Variants in SEMA6D observed in about 807,000 individuals in gnomAD.
SEMA6D encodes the protein semaphorin 6D, also known as semaphorin-6D.
In SEMA6D, 35 loss-of-function variants were observed where a neutral mutation model predicts 106.6. That is an observed-to-expected ratio of 0.33 (90% CI 0.25 to 0.44). The LOEUF is 0.44. Ranked by LOEUF, SEMA6D falls within the 20% of genes least tolerant of loss-of-function variation. The pLI is 1.00. For synonymous variants in SEMA6D, 499 were observed against 487.7 expected, an observed-to-expected ratio of 1.02 and a Z score of -0.31; for missense variants, 1,185 against 1,345.9, an observed-to-expected ratio of 0.88 and a Z score of 1.87.
At chr15:47,540,060 GTT>G (rs398039512) in intron 3 of SEMA6D, among the ~76,000 whole-genome samples, 2 of 151,922 alleles carry the variant, frequency 1.3e-5, no homozygotes, top group African/African-American at 2.4e-5. Context: ...GTGTGTGTGT[GTT>G]TGTGTGTGTG....
chr15:47,724,439 T>G (rs1194140598), intron 1 of SEMA6D, among the ~76,000 whole-genome samples: 1 of 152,194 alleles, frequency 6.6e-6, no homozygotes, highest in Non-Finnish European at 1.5e-5. Context: ...AGAAAAGATA[T>G]ACACAGACTT....
chr15:47,215,487 A>G (rs1167760163), intron 1 of SEMA6D, among the ~76,000 whole-genome samples: 3 of 152,116 alleles, frequency 2.0e-5, no homozygotes, highest in Admixed American at 1.3e-4. Flanking sequence ...TTTTGTTCAG[A>G]TACTGTTTTA....
At chr15:47,445,323 T>A (rs1187660787) in intron 2 of SEMA6D, among the ~76,000 whole-genome samples, 1 of 152,126 alleles carries the variant, frequency 6.6e-6, no homozygotes, top group Non-Finnish European at 1.5e-5. Context: ...CACCCTCTTC[T>A]ACCCAGTATT....
intron 1 of SEMA6D, among the ~76,000 whole-genome samples, chr15:47,203,247 C>G (rs1894835969): frequency 1.3e-5 from 2 of 152,020 alleles, no homozygotes; most frequent in South Asian, 4.1e-4. Flanking sequence ...TTCTATTCCC[C>G]CACCCCCAAT....
chr15:47,239,189 C>T (rs937975708), intron 1 of SEMA6D, among the ~76,000 whole-genome samples: 2 of 152,172 alleles, frequency 1.3e-5, no homozygotes, highest in African/African-American at 2.4e-5. Flanking sequence ...AATCAAGGTT[C>T]TGGGCTCCTT....
intron 1 of SEMA6D, among the ~76,000 whole-genome samples, chr15:47,312,159 T>TTC (rs1555420712): frequency 1.1e-3 from 159 of 150,604 alleles, no homozygotes; most frequent in African/African-American, 3.0e-3. Flanking sequence ...TTTTTTTTTT[T>TTC]CCCCATTACC....
rs1330454175 is a variant in SEMA6D at position 47,771,379 on chromosome 15, A to G, written c.2816A>G (p.Asn939Ser). ...LYSPPSTLPR[N>S]SPTKRVDVPT... is the part of the protein sequence containing the mutation. Reference sequence around the variant, plus strand: ...TCCCCTCCTTCAACTCTCCCCAGAAATAGCCCAACCAAGCGAGTGGATGTC... The same window carrying G: ...TCCCCTCCTTCAACTCTCCCCAGAAGTAGCCCAACCAAGCGAGTGGATGTC... The change falls in exon 19 of 19, where the codon AAT becomes AGT. Residue 939 changes from asparagine to serine, a missense_variant. Asn to Ser is a conservative substitution (Grantham distance 46). This residue lies in a region of SEMA6D where 750 missense variants were observed against 783.5 expected (regional missense o/e 0.96). Coordinates refer to ENST00000536845, the MANE Select transcript of SEMA6D (RefSeq NM_001358351.3). 6 of 1,614,022 alleles carry G rather than the reference A, an allele frequency of 3.7e-6. No individual in the cohort carries two copies. The highest frequency in any genetic ancestry group is 1.7e-5 in the Admixed American group (1 of 60,012).
chr15:47,284,116 AG>A (rs1383642963), intron 1 of SEMA6D, among the ~76,000 whole-genome samples: 2 of 152,164 alleles, frequency 1.3e-5, no homozygotes, highest in Non-Finnish European at 2.9e-5. Context: ...CATCCAATTC[AG>A]GAAGGTTCAG....
chr15:47,320,871 G>A (rs2036897348), intron 1 of SEMA6D, among the ~76,000 whole-genome samples: 1 of 151,938 alleles, frequency 6.6e-6, no homozygotes, highest in South Asian at 2.1e-4. Flanking sequence ...TTAGATTTAT[G>A]TATTCCTTGA....
chr15:47,633,682 G>A (rs2144564055), intron 4 of SEMA6D, among the ~76,000 whole-genome samples: 1 of 152,242 alleles, frequency 6.6e-6, no homozygotes, highest in Non-Finnish European at 1.5e-5. Flanking sequence ...TAAACTTTGG[G>A]AAATGTTCTA....
chr15:47,563,302 T>C (rs904985630), intron 3 of SEMA6D, among the ~76,000 whole-genome samples: 6 of 152,300 alleles, frequency 3.9e-5, no homozygotes, highest in African/African-American at 1.4e-4. Flanking sequence ...CACTGAAGTG[T>C]AAACTTTTAA....
intron 4 of SEMA6D, among the ~76,000 whole-genome samples, chr15:47,661,271 A>G (rs973908131): frequency 6.6e-6 from 1 of 152,232 alleles, no homozygotes; most frequent in Non-Finnish European, 1.5e-5. Flanking sequence ...CTCCTTTTAC[A>G]TACTTTCACA....
chr15:47,492,416 G>C (rs113117263), intron 3 of SEMA6D, among the ~76,000 whole-genome samples: 4 of 152,114 alleles, frequency 2.6e-5, no homozygotes, highest in Non-Finnish European at 5.9e-5. Context: ...ACAAGGGAAG[G>C]AAGTACACAT....
intron 1 of SEMA6D, among the ~76,000 whole-genome samples, chr15:47,298,708 G>A (rs1422822777): frequency 6.6e-6 from 1 of 152,110 alleles, no homozygotes; most frequent in Non-Finnish European, 1.5e-5. Flanking sequence ...TCGGTCTCTT[G>A]TCTCTCCTCC....
chr15:47,315,638 T>G (rs2036638622), intron 1 of SEMA6D, among the ~76,000 whole-genome samples: 1 of 152,216 alleles, frequency 6.6e-6, no homozygotes. Flanking sequence ...ACAAAATAAC[T>G]TGAAGGGATT....
At chr15:47,315,799 G>A (rs971768383) in intron 1 of SEMA6D, among the ~76,000 whole-genome samples, 3 of 151,984 alleles carry the variant, frequency 2.0e-5, no homozygotes, top group African/African-American at 7.2e-5. Context: ...TATAGATCTT[G>A]TATATATTTT....
intron 1 of SEMA6D, chr15:47,380,394 A>G (rs1392457622): frequency 2.0e-5 from 3 of 152,196 alleles, no homozygotes; most frequent in African/African-American, 7.2e-5. Context: ...TTGCTAAGCA[A>G]TGTGGACACA....
intron 1 of SEMA6D, among the ~76,000 whole-genome samples, chr15:47,296,787 T>C (rs538002174): frequency 6.6e-6 from 1 of 152,328 alleles, no homozygotes; most frequent in Non-Finnish European, 1.5e-5. Flanking sequence ...TAGGGCCATG[T>C]TTGAGGAACA....
At chr15:47,501,648 T>C (rs1281165974) in intron 3 of SEMA6D, among the ~76,000 whole-genome samples, 1 of 152,196 alleles carries the variant, frequency 6.6e-6, no homozygotes, top group African/African-American at 2.4e-5. Flanking sequence ...AGAGGGTTTC[T>C]GGAAACTGTT....
Sources: gnomAD v4.1 joint callset for allele counts (sites outside exome capture counted in the v4.1 genomes callset) on GRCh38, gnomAD v4.1.1 for gene constraint, gnomAD v4.1.1 regional missense constraint, MANE v1.5 for transcripts, NCBI Gene and HGNC (gene_info 2026-07-23, HGNC 2026-07-21) for gene names.